SNX29: variants seen among roughly 807,000 people sequenced by gnomAD.
The protein encoded by SNX29 is sorting nexin 29.
SNX29 carries 78 observed loss-of-function variants against 102.1 expected under a neutral mutation model. The ratio of observed to expected loss-of-function variants is 0.76; its 90% CI spans 0.64 to 0.92. The LOEUF is 0.92. SNX29 is among the 40% of genes least tolerant of loss of function. The pLI, the probability that SNX29 is intolerant of heterozygous loss-of-function variation, is 0.00. For missense variants in SNX29, 1,280 were observed against 1,061.7 expected, an observed-to-expected ratio of 1.21 and a Z score of -2.86; for synonymous variants, 580 against 414.5, an observed-to-expected ratio of 1.40 and a Z score of -4.85.
At chr16:12,384,106 A>C (rs1244092510) in intron 16 of SNX29, among the ~76,000 whole-genome samples, 1 of 152,134 alleles carries the variant, frequency 6.6e-6, no homozygotes, top group Admixed American at 6.6e-5. Flanking sequence ...CACATTTTCT[A>C]TACCCATTCA....
chr16:12,435,076 GC>G (rs2085478303), intron 18 of SNX29, among the ~76,000 whole-genome samples: 1 of 152,088 alleles, frequency 6.6e-6, no homozygotes, highest in African/African-American at 2.4e-5. Flanking sequence ...CCATCCCCAG[GC>G]CCAGGAGAGG....
chr16:12,216,913 G>T (rs2077340535), intron 14 of SNX29, among the ~76,000 whole-genome samples: 1 of 152,190 alleles, frequency 6.6e-6, no homozygotes, highest in African/African-American at 2.4e-5. Flanking sequence ...AGCTGCAAGG[G>T]ATGCTGGGAA....
intron 20 of SNX29, among the ~76,000 whole-genome samples, chr16:12,554,837 C>T (rs1196138233): frequency 1.3e-5 from 2 of 152,154 alleles, no homozygotes; most frequent in African/African-American, 4.8e-5. Context: ...GCCATTCTTT[C>T]CGTAGGTGCC....
intron 15 of SNX29, among the ~76,000 whole-genome samples, chr16:12,301,595 A>G (rs1345259174): frequency 1.3e-5 from 2 of 152,228 alleles, no homozygotes; most frequent in African/African-American, 4.8e-5. Flanking sequence ...TTGAAATATC[A>G]GGATCCCCAG....
At chr16:12,095,615 C>A (rs367665630) in intron 11 of SNX29, among the ~76,000 whole-genome samples, 1 of 152,208 alleles carries the variant, frequency 6.6e-6, no homozygotes, top group South Asian at 2.1e-4. Context: ...ATTTGCAGCT[C>A]ATCAGAAAAC....
chr16:12,065,172 G>T (rs1284260106), intron 9 of SNX29, among the ~76,000 whole-genome samples: 1 of 152,174 alleles, frequency 6.6e-6, no homozygotes, highest in Admixed American at 6.5e-5. Context: ...TTGGGTGACA[G>T]AGCCATTCAC....
At chr16:12,233,389 G>C (rs2077828930) in intron 14 of SNX29, among the ~76,000 whole-genome samples, 1 of 152,122 alleles carries the variant, frequency 6.6e-6, no homozygotes, top group African/African-American at 2.4e-5. Context: ...CTAAACAGTG[G>C]GTACTCCTGG....
chr16:12,567,995 T>G (rs1016025994), intron 20 of SNX29, among the ~76,000 whole-genome samples: 14 of 152,186 alleles, frequency 9.2e-5, no homozygotes, highest in Admixed American at 3.3e-4. Flanking sequence ...TCCTGGCTCT[T>G]AAACACAATA....
chr16:12,137,879 G>C (rs1281870539), intron 13 of SNX29, among the ~76,000 whole-genome samples: 1 of 152,188 alleles, frequency 6.6e-6, no homozygotes, highest in Non-Finnish European at 1.5e-5. Flanking sequence ...AAGGGTGTGG[G>C]CCGTTTCATT....
At chr16:12,139,850 G>A (rs1478886465) in intron 13 of SNX29, among the ~76,000 whole-genome samples, 4 of 151,828 alleles carry the variant, frequency 2.6e-5, no homozygotes, top group Non-Finnish European at 5.9e-5. Context: ...GCGTGGTGGT[G>A]CATGCCTGTG....
intron 19 of SNX29, chr16:12,515,698 G>C (rs2089833474): frequency 2.2e-6 from 1 of 456,824 alleles, no homozygotes; most frequent in African/African-American, 2.0e-5. Flanking sequence ...GTATCTGCTT[G>C]TTGGCTCTAC....
At chr16:12,095,751 G>C (rs1378322316) in intron 11 of SNX29, among the ~76,000 whole-genome samples, 1 of 152,194 alleles carries the variant, frequency 6.6e-6, no homozygotes, top group East Asian at 1.9e-4. Flanking sequence ...GATAGAGTCA[G>C]GTGAGCCCAG....
At chr16:12,364,810 G>A (rs117484443) in intron 16 of SNX29, among the ~76,000 whole-genome samples, 2,784 of 152,214 alleles carry the variant, frequency 0.018, 59 homozygotes, top group Non-Finnish European at 0.03. Flanking sequence ...GGCCTGGCTT[G>A]GTAAGACTTG....
intron 18 of SNX29, among the ~76,000 whole-genome samples, chr16:12,463,186 C>T (rs1247043179): frequency 2.0e-5 from 3 of 152,236 alleles, no homozygotes; most frequent in Admixed American, 2.0e-4. Context: ...GGCGGAGGCA[C>T]TTTCTCTGCA....
chr16:12,042,505 G>T (rs1427977849), intron 4 of SNX29, among the ~76,000 whole-genome samples: 2 of 152,102 alleles, frequency 1.3e-5, no homozygotes, highest in African/African-American at 4.8e-5. Flanking sequence ...GCAGCCCCCA[G>T]TGTCTGTTGT....
At chr16:12,104,121 T>A (rs1567209210) in intron 11 of SNX29, among the ~76,000 whole-genome samples, 1 of 152,164 alleles carries the variant, frequency 6.6e-6, no homozygotes, top group East Asian at 1.9e-4. Flanking sequence ...CTTGATCCCA[T>A]ACCATCTGGC....
At chr16:12,381,923 C>A (rs544581067) in intron 16 of SNX29, among the ~76,000 whole-genome samples, 64 of 151,030 alleles carry the variant, frequency 4.2e-4, no homozygotes, top group Admixed American at 3.3e-4. Flanking sequence ...CCCACCCCAC[C>A]CACACATCCG....
At chr16:12,532,141 A>G (rs1405448277) in intron 20 of SNX29, among the ~76,000 whole-genome samples, 1 of 152,232 alleles carries the variant, frequency 6.6e-6, no homozygotes, top group Non-Finnish European at 1.5e-5. Flanking sequence ...CACTGATGCC[A>G]TGCTGTAACT....
chr16:12,155,645 A>T (rs377482678), intron 13 of SNX29, among the ~76,000 whole-genome samples: 35 of 152,222 alleles, frequency 2.3e-4, no homozygotes, highest in African/African-American at 7.9e-4. Context: ...GGAGTTGGAG[A>T]TGCGTTTGAG....
Sources: gnomAD v4.1 joint callset for allele counts (sites outside exome capture counted in the v4.1 genomes callset) on GRCh38, gnomAD v4.1.1 for gene constraint, MANE v1.5 for transcripts, NCBI Gene and HGNC (gene_info 2026-07-23, HGNC 2026-07-21) for gene names.